The following CDH12 variants were observed in gnomAD, a reference collection of about 807,000 sequenced individuals.
The protein encoded by CDH12 is cadherin 12.
In CDH12, 41 loss-of-function variants were observed where a neutral mutation model predicts 74.1. The ratio of observed to expected loss-of-function variants is 0.55; its 90% CI spans 0.43 to 0.72. CDH12 has a LOEUF of 0.72. Ranked by LOEUF, CDH12 falls within the 30% of genes least tolerant of loss-of-function variation. The pLI is 0.00. For synonymous variants in CDH12, 399 were observed against 355.0 expected (o/e 1.12, Z -1.39); for missense variants, 945 against 977.2 (o/e 0.97, Z 0.44).
chr5:22,172,903 T>A (rs564582076), intron 4 of CDH12, among the ~76,000 whole-genome samples: 2 of 149,974 alleles, frequency 1.3e-5, no homozygotes, highest in Admixed American at 6.7e-5. Flanking sequence ...TCTCCTAATT[T>A]TGTAATTCTG....
intron 12 of CDH12, among the ~76,000 whole-genome samples, chr5:21,761,087 A>G (rs1744691720): frequency 6.6e-6 from 1 of 152,162 alleles, no homozygotes; most frequent in Admixed American, 6.6e-5. Flanking sequence ...ATTTAGTATG[A>G]GTTATGTTTT....
At chr5:22,724,713 A>C (rs1339296284) in intron 1 of CDH12, among the ~76,000 whole-genome samples, 1 of 151,776 alleles carries the variant, frequency 6.6e-6, no homozygotes, top group Non-Finnish European at 1.5e-5. Flanking sequence ...TGTGTTAAAG[A>C]TATTGTTTTA....
Position 22,027,697 on chromosome 5 carries a change from TTCTC to T in CDH12, c.231+50745_231+50748del, listed in dbSNP as rs561538825. The stretch of plus-strand genomic sequence containing the variant: ...ATTTTTTATTGTGTGTATTTGATTC[TTCTC>T]TCTTTTTTTCTTTATTAGTCTTGCT... On this transcript the variant is annotated intron_variant, in intron 5 of 14. Transcript: ENST00000382254. Among the ~76,000 whole-genome samples the T allele has an allele frequency of 1.6e-3, 238 of 152,288 alleles. No homozygotes were observed. The Middle Eastern group carries it at 0.02, about 13-fold the overall frequency.
At chr5:22,715,331 A>G (rs934232496) in intron 1 of CDH12, among the ~76,000 whole-genome samples, 1 of 152,228 alleles carries the variant, frequency 6.6e-6, no homozygotes, top group Non-Finnish European at 1.5e-5. Flanking sequence ...ATTAAAGAAC[A>G]ATCTAAGTCA....
At chr5:22,561,291 TA>T (rs1739034935) in intron 1 of CDH12, among the ~76,000 whole-genome samples, 1 of 152,020 alleles carries the variant, frequency 6.6e-6, no homozygotes. Context: ...GCCACTCAAT[TA>T]AAAAAAGTTT....
chr5:22,503,392 T>C (rs1014170857), intron 2 of CDH12, among the ~76,000 whole-genome samples: 2 of 152,108 alleles, frequency 1.3e-5, no homozygotes, highest in Non-Finnish European at 2.9e-5. Flanking sequence ...GAAAACTGTC[T>C]TTCTTAATAA....
At chr5:22,742,950 A>C (rs1398028721) in intron 1 of CDH12, among the ~76,000 whole-genome samples, 1 of 151,798 alleles carries the variant, frequency 6.6e-6, no homozygotes, top group Non-Finnish European at 1.5e-5. Context: ...CTGGGTGAGC[A>C]GATTGTCATT....
intron 2 of CDH12, among the ~76,000 whole-genome samples, chr5:22,423,644 T>G (rs1042821965): frequency 2.1e-4 from 32 of 152,098 alleles, no homozygotes; most frequent in African/African-American, 7.5e-4. Context: ...TGAAATATCA[T>G]AGAGATTATG....
chr5:22,117,470 T>TATATATA (rs1241749993), intron 4 of CDH12, among the ~76,000 whole-genome samples: 4 of 67,192 alleles, frequency 6.0e-5, no homozygotes, highest in African/African-American at 2.3e-4. Context: ...ATATATATAA[T>TATATATA]ATATATATTA....
intron 1 of CDH12, among the ~76,000 whole-genome samples, chr5:22,631,254 T>A (rs1350131914): frequency 6.6e-6 from 1 of 152,132 alleles, no homozygotes; most frequent in Non-Finnish European, 1.5e-5. Context: ...TAAAACAGAA[T>A]TACCATTCGA....
intron 1 of CDH12, among the ~76,000 whole-genome samples, chr5:22,554,814 T>C (rs1299494567): frequency 2.0e-5 from 3 of 152,108 alleles, no homozygotes; most frequent in Non-Finnish European, 2.9e-5. Flanking sequence ...TCATTTACCA[T>C]TGATAAGAAA....
At chr5:22,494,343 G>T (rs147795505) in intron 2 of CDH12, among the ~76,000 whole-genome samples, 1 of 152,156 alleles carries the variant, frequency 6.6e-6, no homozygotes, top group Admixed American at 6.5e-5. Context: ...GTGGGTGTGA[G>T]TATGCCCTAC....
intron 3 of CDH12, among the ~76,000 whole-genome samples, chr5:22,262,122 CT>C (rs200803016): frequency 0.046 from 6,661 of 145,516 alleles, 166 homozygotes; most frequent in African/African-American, 0.073. Flanking sequence ...TACACTATTT[CT>C]TTTTTTTTTT....
At chr5:22,048,800 T>A (rs747783453) in intron 5 of CDH12, among the ~76,000 whole-genome samples, 1 of 151,928 alleles carries the variant, frequency 6.6e-6, no homozygotes, top group Non-Finnish European at 1.5e-5. Context: ...CATAAAAGTG[T>A]CAGAACTATT....
intron 3 of CDH12, among the ~76,000 whole-genome samples, chr5:22,399,510 T>C (rs1231908099): frequency 6.6e-6 from 1 of 152,192 alleles, no homozygotes; most frequent in Non-Finnish European, 1.5e-5. Context: ...AGGACATCTG[T>C]TCCATTGCCT....
chr5:21,917,687 T>G (rs1754163582), intron 6 of CDH12, among the ~76,000 whole-genome samples: 1 of 152,162 alleles, frequency 6.6e-6, no homozygotes, highest in South Asian at 2.1e-4. Flanking sequence ...GTCCTTTCAA[T>G]GAAACGCTGA....
rs557190845 is a variant in CDH12 at position 22,506,663 on chromosome 5, T to C, written c.-522-1299A>G. Among the ~76,000 whole-genome samples, 9 of 152,206 alleles carry C rather than the reference T, an allele frequency of 5.9e-5. No individual in the cohort carries two copies. In the East Asian group the frequency reaches 1.7e-3, roughly 29 times the overall value. ...CAGAGAATGGTGAGAAACCAAGATC[T>C]GACTACTAGTTATGGTTCCTTGCCA... is the stretch of plus-strand genomic sequence containing the variant. On this transcript the variant is annotated intron_variant, in intron 1 of 14. Coordinates refer to ENST00000382254, the MANE Select transcript of CDH12 (RefSeq NM_004061.5).
At chr5:21,818,451 C>A (rs996319204) in intron 8 of CDH12, among the ~76,000 whole-genome samples, 1 of 151,862 alleles carries the variant, frequency 6.6e-6, no homozygotes, top group Non-Finnish European at 1.5e-5. Context: ...TTTTTGAGGT[C>A]CTGTAGTTCT....
At chr5:21,815,110 A>G in intron 9 of CDH12, among the ~76,000 whole-genome samples, 1 of 152,116 alleles carries the variant, frequency 6.6e-6, no homozygotes, top group East Asian at 1.9e-4. Flanking sequence ...ATCTATTTGA[A>G]AAATGTGTTT....
Sources: gnomAD v4.1 joint callset for allele counts (sites outside exome capture counted in the v4.1 genomes callset) on GRCh38, gnomAD v4.1.1 for gene constraint, MANE v1.5 for transcripts, NCBI Gene and HGNC (gene_info 2026-07-23, HGNC 2026-07-21) for gene names.